The following ENTREP2 variants were observed in gnomAD, a reference collection of about 807,000 sequenced individuals.
ENTREP2 encodes protein ENTREP2.
the ENTREP2 span, among the ~76,000 whole-genome samples, chr15:29,524,844 T>C: frequency 4.2e-4 from 64 of 152,144 alleles, no homozygotes; most frequent in Admixed American, 4.0e-3. Flanking sequence ...CAAGATTTAA[T>C]AGAGTGAAAA....
chr15:29,121,031 C>G, the ENTREP2 span: 1 of 152,376 alleles, frequency 6.6e-6, no homozygotes, highest in Non-Finnish European at 1.5e-5. Context: ...GCACCCCACC[C>G]CGTCCCTGAC....
At chr15:29,134,459 T>C in the ENTREP2 span, among the ~76,000 whole-genome samples, 278 of 152,254 alleles carry the variant, frequency 1.8e-3, 9 homozygotes, top group East Asian at 0.051. Context: ...TCTGCTTGTG[T>C]GAGGATGTGC....
At chr15:29,413,542 T>G in the ENTREP2 span, among the ~76,000 whole-genome samples, 1 of 152,196 alleles carries the variant, frequency 6.6e-6, no homozygotes. Flanking sequence ...CTGCCAATAT[T>G]CTTTTGGTTG....
chr15:29,556,148 T>C, the ENTREP2 span, among the ~76,000 whole-genome samples: 1 of 152,108 alleles, frequency 6.6e-6, no homozygotes, highest in Non-Finnish European at 1.5e-5. Context: ...CCCCAGCTAC[T>C]TGGGAGACTG....
the ENTREP2 span, among the ~76,000 whole-genome samples, chr15:29,642,513 T>C: frequency 6.7e-6 from 1 of 148,174 alleles, no homozygotes; most frequent in East Asian, 1.9e-4. Flanking sequence ...ATATATCATA[T>C]ATACATATAT....
At chr15:29,352,703 C>T in the ENTREP2 span, among the ~76,000 whole-genome samples, 1 of 152,152 alleles carries the variant, frequency 6.6e-6, no homozygotes, top group Non-Finnish European at 1.5e-5. Flanking sequence ...GACATACCGC[C>T]GCCTGTCACT....
chr15:29,665,083 C>T, the ENTREP2 span, among the ~76,000 whole-genome samples: 1 of 152,260 alleles, frequency 6.6e-6, no homozygotes, highest in African/African-American at 2.4e-5. Flanking sequence ...TCCTCTCCCA[C>T]ACCTGGGGAG....
chr15:29,402,690 T>A, the ENTREP2 span, among the ~76,000 whole-genome samples: 57 of 152,298 alleles, frequency 3.7e-4, no homozygotes, highest in East Asian at 0.01. Flanking sequence ...CAAAATGGTG[T>A]GGAAAGTGCA....
chr15:29,495,493 G>A, the ENTREP2 span, among the ~76,000 whole-genome samples: 1 of 152,066 alleles, frequency 6.6e-6, no homozygotes, highest in Non-Finnish European at 1.5e-5. Flanking sequence ...AGCTTTCTAT[G>A]TTTTCTTCTA....
chr15:29,527,138 T>G, the ENTREP2 span, among the ~76,000 whole-genome samples: 1 of 152,122 alleles, frequency 6.6e-6, no homozygotes, highest in Non-Finnish European at 1.5e-5. Context: ...CTCCTGAGCT[T>G]CTAAATACTG....
At chr15:29,621,608 A>C in the ENTREP2 span, among the ~76,000 whole-genome samples, 7 of 142,536 alleles carry the variant, frequency 4.9e-5, no homozygotes, top group Admixed American at 1.4e-4. Flanking sequence ...AAAAAAAAAA[A>C]CCCAGAAAAT....
At chr15:29,187,389 C>T in the ENTREP2 span, among the ~76,000 whole-genome samples, 2 of 152,180 alleles carry the variant, frequency 1.3e-5, no homozygotes, top group Non-Finnish European at 2.9e-5. Flanking sequence ...AATTCTCCTG[C>T]CTCAGCCTCC....
chr15:29,555,256 T>C, the ENTREP2 span, among the ~76,000 whole-genome samples: 22 of 152,166 alleles, frequency 1.4e-4, no homozygotes, highest in Non-Finnish European at 3.2e-4. Flanking sequence ...CCGTAGCACC[T>C]GAATTTTCTA....
the ENTREP2 span, among the ~76,000 whole-genome samples, chr15:29,243,766 G>A: frequency 8.4e-3 from 1,284 of 152,138 alleles, 19 homozygotes; most frequent in African/African-American, 0.03. Flanking sequence ...TACAATGTTC[G>A]AAAGACATTA....
At chr15:29,136,641 G>T in the ENTREP2 span, 1 of 895,634 alleles carries the variant, frequency 1.1e-6, no homozygotes, top group Non-Finnish European at 1.6e-6. Context: ...CAAAGCTTCA[G>T]TCACTGGGCG....
At chr15:29,336,467 C>T in the ENTREP2 span, among the ~76,000 whole-genome samples, 1 of 151,948 alleles carries the variant, frequency 6.6e-6, no homozygotes, top group Non-Finnish European at 1.5e-5. Flanking sequence ...CACACCACCA[C>T]ATTCAGCTAA....
the ENTREP2 span, among the ~76,000 whole-genome samples, chr15:29,637,345 C>T: frequency 2.0e-5 from 3 of 152,168 alleles, no homozygotes; most frequent in Non-Finnish European, 4.4e-5. Flanking sequence ...TAAAGATGAG[C>T]ACTGGGGTAC....
At chr15:29,481,646 A>G in the ENTREP2 span, among the ~76,000 whole-genome samples, 1,819 of 152,300 alleles carry the variant, frequency 0.012, 36 homozygotes, top group African/African-American at 0.042. Context: ...TATGCTTAAC[A>G]TAGCCTGGCT....
At chr15:29,287,324 T>A in the ENTREP2 span, among the ~76,000 whole-genome samples, 1 of 150,264 alleles carries the variant, frequency 6.7e-6, no homozygotes, top group Non-Finnish European at 1.5e-5. Flanking sequence ...CTGCATTCGG[T>A]TACAATTGGA....
Sources: gnomAD v4.1 joint callset for allele counts (sites outside exome capture counted in the v4.1 genomes callset) on GRCh38, gnomAD v4.1.1 for gene constraint, MANE v1.5 for transcripts, NCBI Gene and HGNC (gene_info 2026-07-23, HGNC 2026-07-21) for gene names.